MEP1B: variants seen among roughly 807,000 people sequenced by gnomAD.
MEP1B encodes N-benzoyl-L-tyrosyl-P-amino-benzoic acid hydrolase subunit beta.
In MEP1B, 80 loss-of-function variants were observed where a neutral mutation model predicts 84.6. The observed-to-expected ratio is 0.95, with a 90% CI of 0.79 to 1.14. MEP1B has a LOEUF of 1.14. MEP1B is among the 50% of genes most tolerant of loss of function. MEP1B has a pLI of 0.00. For synonymous variants in MEP1B, 273 were observed against 288.1 expected (o/e 0.95, Z 0.53); for missense variants, 766 against 855.1 (o/e 0.90, Z 1.30).
chr18:32,217,457 C>CTGGAGGGTGGCGGGCA (rs1218749978), intron 13 of MEP1B, among the ~76,000 whole-genome samples: 5 of 152,116 alleles, frequency 3.3e-5, no homozygotes, highest in Non-Finnish European at 7.4e-5. Flanking sequence ...AGATGTGAAT[C>CTGGAGGGTGGCGGGCA]TGGAGGGTGG....
Position 32,196,461 on chromosome 18 carries a change from GCTGCAGGGCCGACCGGAAA to G in MEP1B, c.250+979_250+997del, listed in dbSNP as rs2040855796. The G allele has an allele frequency of 1.4e-6, 1 of 694,426 alleles. No individual in the cohort carries two copies. Among genetic ancestry groups the G allele is most frequent in the African/African-American group, 1.8e-5 (1 of 57,102 alleles). 43.0% of individuals were successfully genotyped at this position (694,426 alleles called of 1,614,324 possible). On this transcript the variant is annotated intron_variant, in intron 5 of 14. Transcript: ENST00000269202. The surrounding 1 kb of genome is among the most constrained non-coding windows in gnomAD (Gnocchi z 4.4). The stretch of plus-strand genomic sequence containing the variant: ...TGTGCAGCCAGCCCTTCCTTCTGGT[GCTGCAGGGCCGACCGGAAA>G]CTCAGCTTTGCTCTCATAGACCGAG...
intron 9 of MEP1B, among the ~76,000 whole-genome samples, chr18:32,210,022 G>A (rs570748101): frequency 1.8e-4 from 27 of 152,214 alleles, no homozygotes; most frequent in South Asian, 6.2e-4. Context: ...TATTCTCAGC[G>A]GGGGAACAAC....
At chr18:32,202,144 T>A (rs1200200469) in intron 5 of MEP1B, among the ~76,000 whole-genome samples, 4 of 152,162 alleles carry the variant, frequency 2.6e-5, no homozygotes, top group Non-Finnish European at 5.9e-5. Context: ...CCAAGCACTT[T>A]CCCCTCTGCC....
rs1300478918 is a variant in MEP1B at position 32,195,187 on chromosome 18, T to G, written c.172-220T>G. Among the ~76,000 whole-genome samples, 3 of 152,124 alleles carry G rather than the reference T, an allele frequency of 2.0e-5. No individual in the cohort carries two copies. In the East Asian group the frequency reaches 5.8e-4, roughly 29 times the overall value. On this transcript the variant is annotated intron_variant, in intron 4 of 14. Transcript: ENST00000269202. ...AGTTATTTTTTGCATTATTCCTTCT[T>G]CAACTGTATTAACAAAATGATAGAA...
In MEP1B at chr18:32,210,725, T is replaced by G. The variant is rs781675976; in HGVS notation, c.1135+9T>G. ...TGTGGAAGAAATAAAAGGTACAATG[T>G]CAACATCCTTATTGTCTGGATTTAA... On this transcript the variant is annotated intron_variant, in intron 10 of 14. Coordinates refer to ENST00000269202, the MANE Select transcript of MEP1B (RefSeq NM_005925.3). The G allele has an allele frequency of 1.1e-5, 17 of 1,605,862 alleles. No individual in the cohort carries two copies. Among genetic ancestry groups the G allele is most frequent in the Non-Finnish European group, 1.4e-5 (17 of 1,173,666 alleles).
chr18:32,219,417 T>C (rs1172196766), intron 14 of MEP1B, among the ~76,000 whole-genome samples: 3 of 152,232 alleles, frequency 2.0e-5, no homozygotes. Context: ...AACTTTCAGC[T>C]TATTTTATGA....
At chr18:32,193,775 AAAC>A (rs888446798) in intron 4 of MEP1B, among the ~76,000 whole-genome samples, 1 of 152,150 alleles carries the variant, frequency 6.6e-6, no homozygotes, top group Non-Finnish European at 1.5e-5. Context: ...CACCCCCAGG[AAAC>A]AGAGCTGCAG....
chr18:32,192,379 A>G (rs1295718302), intron 2 of MEP1B, among the ~76,000 whole-genome samples: 1 of 152,092 alleles, frequency 6.6e-6, no homozygotes, highest in African/African-American at 2.4e-5. Flanking sequence ...TAATATATGG[A>G]GCAACCAATT....
chr18:32,191,774 T>C (rs951288079), intron 1 of MEP1B, 48 bp from the exon 2 acceptor site: 2 of 1,308,332 alleles, frequency 1.5e-6, no homozygotes, highest in African/African-American at 2.9e-5. Context: ...AAGAAGACCA[T>C]TCCTGGGCAT....
chr18:32,215,430 A>G (rs958506736), intron 12 of MEP1B, among the ~76,000 whole-genome samples, 169 bp downstream of exon 12: 1 of 152,236 alleles, frequency 6.6e-6, no homozygotes, highest in Non-Finnish European at 1.5e-5. Context: ...CAATATGAAA[A>G]TAATTTAATT....
At position 32,213,167 on chromosome 18, in the gene MEP1B, A is replaced by T; in HGVS notation, c.1187A>T (p.Lys396Met). Residue 396 changes from lysine (K) to methionine (M), a missense_variant, in exon 11 of 15, where the codon AAG becomes ATG. Transcript: ENST00000269202. ...TATCATGTAACATTGAAAGTGACCAAGAAGTTTAGAGTGGTGTTTGAAGGA... is the reference window on the plus strand; with the variant it reads ...TATCATGTAACATTGAAAGTGACCATGAAGTTTAGAGTGGTGTTTGAAGGA... ...QLYHVTLKVT[K>M]KFRVVFEGRK... The T allele has an allele frequency of 6.2e-7, 1 of 1,614,002 alleles. No homozygotes were observed. The highest frequency in any genetic ancestry group is 8.5e-7 in the Non-Finnish European group (1 of 1,179,876).
intron 2 of MEP1B, 107 bp from the exon 3 acceptor site, chr18:32,192,539 C>T (rs1385586748): frequency 8.1e-6 from 8 of 983,744 alleles, no homozygotes; most frequent in Non-Finnish European, 1.3e-5. Context: ...CTAGTAGTCA[C>T]CTGAGGCCAA....
chr18:32,209,460 C>G (rs2041000413), intron 9 of MEP1B, among the ~76,000 whole-genome samples: 1 of 147,614 alleles, frequency 6.8e-6, no homozygotes, highest in Non-Finnish European at 1.5e-5. Context: ...GCGTATCAGC[C>G]TGGACAACAG....
rs1370280737 is a variant in MEP1B at position 32,192,833 on chromosome 18, A to G, written c.171+16A>G. The G allele has an allele frequency of 1.2e-6, 2 of 1,605,190 alleles. No individual in the cohort carries two copies. The highest frequency in any genetic ancestry group is 8.5e-7 in the Non-Finnish European group (1 of 1,173,656). On this transcript the variant is annotated intron_variant, in intron 4 of 14. Transcript: ENST00000269202. ...ACTTGATAGGGTGAGTTGAAACAGT[A>G]TAAGGAAGAATCTTCCATTAACCAC...
chr18:32,207,043 T>C (rs571464255), intron 7 of MEP1B, among the ~76,000 whole-genome samples: 13 of 152,348 alleles, frequency 8.5e-5, no homozygotes, highest in South Asian at 2.1e-4. Flanking sequence ...TGGGCTGCAA[T>C]AGAACCTTAG....
chr18:32,193,204 A>G (rs1418648511), intron 4 of MEP1B, among the ~76,000 whole-genome samples: 1 of 152,166 alleles, frequency 6.6e-6, no homozygotes, highest in East Asian at 1.9e-4. Context: ...TTTTACCCCA[A>G]TAAATAGATT....
intron 14 of MEP1B, among the ~76,000 whole-genome samples, chr18:32,219,126 T>C (rs1035580720): frequency 2.0e-5 from 3 of 152,182 alleles, no homozygotes; most frequent in Admixed American, 6.5e-5. Context: ...AATACTGCAA[T>C]TGGCTAAAGC....
rs948923747 is a variant in MEP1B, at chr18:32,191,822, G to C, written c.64G>C (p.Ala22Pro). Reference protein sequence around the residue: ...LDALLVISGLATPENFDVDGG... With the variant: ...LDALLVISGLPTPENFDVDGG... ...TTTTGTTTATGTGTTTATTTCCCAG[G>C]CAACTCCAGAAAACTTTGGTGAGTC... Residue 22 changes from alanine to proline, a missense_variant and splice_region_variant, in exon 2 of 15, where the codon GCA becomes CCA. Coordinates refer to ENST00000269202, the MANE Select transcript of MEP1B (RefSeq NM_005925.3). 3.9e-6 allele frequency: 6 copies of C among 1,539,192 alleles called. No homozygotes were observed. Among genetic ancestry groups the C allele is most frequent in the Middle Eastern group, 3.6e-4 (2 of 5,618 alleles).
At chr18:32,206,492 T>A (rs2040966386) in intron 7 of MEP1B, among the ~76,000 whole-genome samples, 1 of 150,696 alleles carries the variant, frequency 6.6e-6, no homozygotes, top group South Asian at 2.1e-4. Context: ...TGCAGTGGCG[T>A]GATCACAGCT....
Sources: allele counts gnomAD v4.1 joint callset (sites outside exome capture counted in the v4.1 genomes callset), GRCh38; gene constraint gnomAD v4.1.1; non-coding constraint Gnocchi (gnomAD v3.1); transcripts MANE v1.5; gene names NCBI Gene and HGNC (gene_info 2026-07-23, HGNC 2026-07-21).